FOXP1: variants seen among roughly 807,000 people sequenced by gnomAD.
FOXP1 encodes the protein forkhead box P1.
In FOXP1, 15 loss-of-function variants were observed where a neutral mutation model predicts 98.2. The ratio of observed to expected loss-of-function variants is 0.15; its 90% CI spans 0.10 to 0.24. The LOEUF (loss-of-function observed/expected upper bound fraction) is 0.24. FOXP1 is among the 10% of genes least tolerant of loss of function. The pLI, the probability that FOXP1 is intolerant of heterozygous loss-of-function variation, is 1.00. For synonymous variants in FOXP1, 371 were observed against 314.5 expected (o/e 1.18, Z -1.90); for missense variants, 633 against 848.5 (o/e 0.75, Z 3.15).
intron 5 of FOXP1, among the ~76,000 whole-genome samples, chr3:71,219,622 G>A (rs1041350562): frequency 1.3e-5 from 2 of 152,132 alleles, no homozygotes; most frequent in African/African-American, 4.8e-5. Context: ...TATGAAAGAA[G>A]AAAATGAAAA....
chr3:71,220,977 C>G (rs2065333565), intron 5 of FOXP1, among the ~76,000 whole-genome samples: 1 of 150,734 alleles, frequency 6.6e-6, no homozygotes, highest in African/African-American at 2.4e-5. Context: ...GACTTAGACA[C>G]ACATATATAA....
intron 13 of FOXP1, among the ~76,000 whole-genome samples, chr3:71,000,301 TTATA>T (rs3060664): frequency 0.59 from 87,710 of 149,736 alleles, 28,844 homozygotes; most frequent in East Asian, 0.97. Context: ...ATACTAGATT[TTATA>T]TATATATATA....
chr3:71,077,838 T>A (rs114200492), intron 7 of FOXP1, among the ~76,000 whole-genome samples: 2,408 of 145,368 alleles, frequency 0.017, 36 homozygotes, highest in African/African-American at 0.028. Context: ...GTGCATATAT[T>A]TTTTTTTTTT....
At chr3:71,382,262 C>T (rs919323902) in intron 3 of FOXP1, among the ~76,000 whole-genome samples, 1 of 151,904 alleles carries the variant, frequency 6.6e-6, no homozygotes, top group African/African-American at 2.4e-5. Flanking sequence ...GCGACAGGGA[C>T]CTGTCTCCAA....
chr3:71,328,974 T>TAAACAAAAAAAAAA (rs2076099381), intron 4 of FOXP1, among the ~76,000 whole-genome samples: 1 of 31,166 alleles, frequency 3.2e-5, no homozygotes, highest in Non-Finnish European at 6.2e-5. Flanking sequence ...TCCATCTCGC[T>TAAACAAAAAAAAAA]AAAAAAAAAA....
intron 3 of FOXP1, among the ~76,000 whole-genome samples, chr3:71,436,198 C>T (rs558799420): frequency 6.6e-6 from 1 of 151,960 alleles, no homozygotes; most frequent in Admixed American, 6.6e-5. Flanking sequence ...GGCATTGTCT[C>T]CCCGCAACAG....
Position 71,007,011 on chromosome 3 carries a change from G to C in FOXP1, c.975-5952C>G, listed in dbSNP as rs368213572. Among the ~76,000 whole-genome samples, 4 of 152,072 alleles carry C rather than the reference G, an allele frequency of 2.6e-5. No homozygotes were observed. In the East Asian group the frequency reaches 5.8e-4, roughly 22 times the overall value. On this transcript the variant is annotated intron_variant, in intron 12 of 20. Coordinates refer to ENST00000649528, the MANE Select transcript of FOXP1 (RefSeq NM_001349338.3). ...ATCTAATATTCTATATATCACTAGA[G>C]GGCACTGTGGTATTTAGGCCACTTT...
chr3:71,525,238 T>TA (rs1289973874), intron 2 of FOXP1, among the ~76,000 whole-genome samples: 2 of 152,114 alleles, frequency 1.3e-5, no homozygotes, highest in Non-Finnish European at 1.5e-5. Context: ...CTAGGGTGGA[T>TA]AAAAAAATTA....
At chr3:71,016,888 C>T (rs1043416506) in intron 11 of FOXP1, among the ~76,000 whole-genome samples, 1 of 152,032 alleles carries the variant, frequency 6.6e-6, no homozygotes, top group African/African-American at 2.4e-5. Flanking sequence ...CACAGAACTA[C>T]ACCTGATCAA....
chr3:71,274,878 C>T (rs892761174), intron 5 of FOXP1, among the ~76,000 whole-genome samples: 2 of 152,198 alleles, frequency 1.3e-5, no homozygotes, highest in Non-Finnish European at 2.9e-5. Flanking sequence ...TCAATTGTAG[C>T]AGGGCTTGTT....
At chr3:71,156,355 C>T (rs1435439580) in intron 6 of FOXP1, among the ~76,000 whole-genome samples, 2 of 152,144 alleles carry the variant, frequency 1.3e-5, no homozygotes, top group Non-Finnish European at 2.9e-5. Flanking sequence ...GCACTGAACA[C>T]AGAGAGGTAA....
intron 3 of FOXP1, among the ~76,000 whole-genome samples, chr3:71,424,986 T>C (rs2084009597): frequency 6.6e-6 from 1 of 152,336 alleles, no homozygotes; most frequent in Non-Finnish European, 1.5e-5. Context: ...ACTCTCAGTG[T>C]TTACTCAGAA....
At chr3:71,152,518 G>A (rs929741043) in intron 6 of FOXP1, among the ~76,000 whole-genome samples, 4 of 152,118 alleles carry the variant, frequency 2.6e-5, no homozygotes, top group African/African-American at 9.7e-5. Context: ...CCCCAGAGGT[G>A]GGCTGAGCCC....
intron 5 of FOXP1, among the ~76,000 whole-genome samples, chr3:71,224,773 T>C (rs1021375787): frequency 1.3e-5 from 2 of 152,186 alleles, no homozygotes; most frequent in Admixed American, 6.5e-5. Context: ...TAGAAAATAA[T>C]CACAGATTAG....
chr3:71,244,618 G>A (rs990201498), intron 5 of FOXP1, among the ~76,000 whole-genome samples: 3 of 152,090 alleles, frequency 2.0e-5, no homozygotes, highest in African/African-American at 7.2e-5. Flanking sequence ...CCACAGATCG[G>A]GGGTGTTTTC....
rs1258786482 is a variant in FOXP1 at position 70,958,332 on chromosome 3, TTC to T, written c.*913_*914del. 1.9e-6 allele frequency: 1 copy of T among 533,954 alleles called. No homozygotes were observed. Among genetic ancestry groups the T allele is most frequent in the Non-Finnish European group, 3.6e-6 (1 of 276,048 alleles). The allele number at this position is 533,954 out of a possible 1,614,324, so 33.1% of individuals were successfully genotyped here. ...CTCTCTTTTTTTTTTCTGTCATTCA[TTC>T]TCTTTCTGGCAGGACGTCACGTCTG... On this transcript the variant is annotated 3_prime_UTR_variant, in exon 21 of 21. Transcript: ENST00000649528.
chr3:71,019,530 G>A (rs909790054), intron 11 of FOXP1, among the ~76,000 whole-genome samples: 1 of 152,026 alleles, frequency 6.6e-6, no homozygotes, highest in Non-Finnish European at 1.5e-5. Context: ...CAGTACCTCC[G>A]ACAGAACATA....
In FOXP1 at chr3:70,958,233, T is replaced by C; in HGVS notation, c.*1014A>G. ...AAGAAAAGAAAAGAAAAAAAGAAAATCCGAAACACCCCTCCCCCGAACCAC... is the reference window on the plus strand; with the variant it reads ...AAGAAAAGAAAAGAAAAAAAGAAAACCCGAAACACCCCTCCCCCGAACCAC... On this transcript the variant is annotated 3_prime_UTR_variant, in exon 21 of 21. Coordinates refer to ENST00000649528, the MANE Select transcript of FOXP1 (RefSeq NM_001349338.3). 2 of 439,802 alleles carry C rather than the reference T, an allele frequency of 4.5e-6. No individual in the cohort carries two copies. Among genetic ancestry groups the C allele is most frequent in the East Asian group, 8.8e-5 (2 of 22,806 alleles). 27.2% of individuals were successfully genotyped at this position (439,802 alleles called of 1,614,324 possible).
intron 11 of FOXP1, among the ~76,000 whole-genome samples, chr3:71,032,176 G>C (rs541568973): frequency 5.3e-5 from 8 of 152,374 alleles, no homozygotes; most frequent in African/African-American, 1.9e-4. Context: ...GGGACAGATT[G>C]CCATATGGAT....
Sources: gnomAD v4.1 joint callset for allele counts (sites outside exome capture counted in the v4.1 genomes callset) on GRCh38, gnomAD v4.1.1 for gene constraint, MANE v1.5 for transcripts, NCBI Gene and HGNC (gene_info 2026-07-23, HGNC 2026-07-21) for gene names.